Variants in CALD1 observed in about 807,000 individuals in gnomAD.
CALD1 encodes the protein caldesmon 1.
A neutral mutation model predicts 99.9 loss-of-function variants in CALD1; 33 were observed. The ratio of observed to expected loss-of-function variants is 0.33; its 90% confidence interval spans 0.25 to 0.44. CALD1 has a LOEUF of 0.44. Among genes scored for constraint, CALD1 ranks in the 20% least tolerant of loss-of-function variants. The pLI is 1.00. For missense variants in CALD1, 861 were observed against 962.1 expected (o/e 0.89, Z 1.39); for synonymous variants, 310 against 325.0 (o/e 0.95, Z 0.50).
rs1584675505 is a variant in CALD1 at position 134,958,160 on chromosome 7, T to C, written c.1979+48T>C. On this transcript the variant is annotated intron_variant, in intron 10 of 14. Coordinates refer to ENST00000361675, the MANE Select transcript of CALD1 (RefSeq NM_033138.4). The stretch of plus-strand genomic sequence containing the variant: ...TTGAGCTAATCAGCTAGCATATGTA[T>C]GAGAAGATTCTCTCTCATATTTTTA... 1.9e-6 allele frequency: 3 copies of C among 1,608,096 alleles called. No homozygotes were observed. The East Asian group carries it at 6.7e-5, about 36-fold the overall frequency.
At chr7:134,719,871 A>G in the CALD1 span, among the ~76,000 whole-genome samples, 1 of 152,170 alleles carries the variant, frequency 6.6e-6, no homozygotes, top group Non-Finnish European at 1.5e-5. Context: ...ATCAATCACC[A>G]AAGATGCCCC....
intron 1 of CALD1, among the ~76,000 whole-genome samples, chr7:134,759,723 C>T (rs764285483): frequency 6.6e-6 from 1 of 152,198 alleles, no homozygotes; most frequent in Non-Finnish European, 1.5e-5. Flanking sequence ...ATTCATCCTA[C>T]CATGTGCCAA....
chr7:134,910,321 G>T (rs949376450), intron 3 of CALD1, among the ~76,000 whole-genome samples: 1 of 152,142 alleles, frequency 6.6e-6, no homozygotes, highest in African/African-American at 2.4e-5. Flanking sequence ...GGCTATTAAT[G>T]ACTTATCCAT....
chr7:134,933,518 A>T lies in CALD1; in HGVS notation c.749A>T (p.Glu250Val). ...GAGGAGAGGGAACAAGGTTCAGATGAGATTTCCCATCATGAAAAGATGGAA... is the reference window on the plus strand; with the variant it reads ...GAGGAGAGGGAACAAGGTTCAGATGTGATTTCCCATCATGAAAAGATGGAA... ...QEEEREQGSDEISHHEKMEEE... is the reference protein window; with the variant it reads ...QEEEREQGSDVISHHEKMEEE... Residue 250 changes from glutamate (E) to valine (V), a missense_variant, in exon 5 of 15, where the codon GAG becomes GTG. Transcript: ENST00000361675. 3 of 1,614,012 alleles carry T rather than the reference A, an allele frequency of 1.9e-6. No homozygotes were observed. The highest frequency in any genetic ancestry group is 2.5e-6 in the Non-Finnish European group (3 of 1,179,970).
At chr7:134,713,630 C>G in the CALD1 span, among the ~76,000 whole-genome samples, 1 of 151,804 alleles carries the variant, frequency 6.6e-6, no homozygotes, top group Non-Finnish European at 1.5e-5. Context: ...AGGAAATTCT[C>G]CCCCCTCAAA....
chr7:134,873,175 AAAACAAAC>A (rs376713787), intron 3 of CALD1, among the ~76,000 whole-genome samples: 4 of 151,052 alleles, frequency 2.6e-5, no homozygotes, highest in East Asian at 1.9e-4. Context: ...CGACAGAGCA[AAAACAAAC>A]AAACAAACAA....
At chr7:134,941,477 T>C (rs1488761692) in intron 7 of CALD1, among the ~76,000 whole-genome samples, 1 of 152,214 alleles carries the variant, frequency 6.6e-6, no homozygotes, top group Non-Finnish European at 1.5e-5. Context: ...TCCCATTATT[T>C]TGAAAGGCAG....
intron 3 of CALD1, among the ~76,000 whole-genome samples, chr7:134,907,752 C>A (rs554898291): frequency 1.3e-5 from 2 of 151,468 alleles, no homozygotes; most frequent in Admixed American, 6.6e-5. Flanking sequence ...TTTTTCCAGT[C>A]CCCCCCCGCC....
upstream of CALD1, among the ~76,000 whole-genome samples, chr7:134,775,085 C>A (rs1488974961): frequency 6.6e-6 from 1 of 151,616 alleles, no homozygotes; most frequent in Non-Finnish European, 1.5e-5. Context: ...TTTATATAAC[C>A]TAGTTTATTA....
At chr7:134,892,018 G>A (rs1802232917) in intron 3 of CALD1, among the ~76,000 whole-genome samples, 1 of 152,104 alleles carries the variant, frequency 6.6e-6, no homozygotes, top group Non-Finnish European at 1.5e-5. Context: ...TGTTAATTTA[G>A]ACCTTAGCCC....
Position 134,928,798 on chromosome 7 carries a change from G to T in CALD1, c.116G>T (p.Arg39Leu). 6.2e-7 allele frequency: 1 copy of T among 1,613,950 alleles called. No individual in the cohort carries two copies. The highest frequency in any genetic ancestry group is 8.5e-7 in the Non-Finnish European group (1 of 1,179,938). ...GACGATGATGAAGAGGAGGCAGCCC[G>T]GGAACGGCGCCGCCGAGCCCGACAG... ...RNDDDEEEAARERRRRARQER... is the reference protein window; with the variant it reads ...RNDDDEEEAALERRRRARQER... Residue 39 changes from arginine to leucine, a missense_variant, in exon 4 of 15, where the codon CGG (arginine) becomes CTG (leucine). This residue lies in a region of CALD1 where 123 missense variants were observed against 169.8 expected (regional missense o/e 0.72). Transcript: ENST00000361675.
chr7:134,880,822 A>G (rs1490941557), intron 3 of CALD1, among the ~76,000 whole-genome samples: 2 of 152,106 alleles, frequency 1.3e-5, no homozygotes. Flanking sequence ...AGGAGAGTGT[A>G]TTTTCCCTGA....
At chr7:134,879,775 C>T (rs1801512237) in intron 3 of CALD1, among the ~76,000 whole-genome samples, 1 of 152,124 alleles carries the variant, frequency 6.6e-6, no homozygotes, top group Non-Finnish European at 1.5e-5. Flanking sequence ...ACTGGGCTTA[C>T]TTCTAGTTGA....
At chr7:134,850,219 G>GA (rs1800020167) in intron 2 of CALD1, among the ~76,000 whole-genome samples, 1 of 152,168 alleles carries the variant, frequency 6.6e-6, no homozygotes, top group African/African-American at 2.4e-5. Flanking sequence ...CTGCTGACAG[G>GA]AAACAGCTCC....
the CALD1 span, chr7:134,735,277 A>C: frequency 6.6e-6 from 1 of 152,260 alleles, no homozygotes; most frequent in African/African-American, 2.4e-5. Flanking sequence ...ATATTGATGT[A>C]GTTTTGAATA....
intron 3 of CALD1, among the ~76,000 whole-genome samples, chr7:134,922,925 A>G (rs7809057): frequency 0.47 from 71,320 of 151,982 alleles, 17,279 homozygotes; most frequent in East Asian, 0.87. Flanking sequence ...TTGCATATAT[A>G]TTTTTTTCTT....
chr7:134,721,248 G>A, the CALD1 span, among the ~76,000 whole-genome samples: 42,890 of 149,792 alleles, frequency 0.29, 7,153 homozygotes, highest in East Asian at 0.6. Flanking sequence ...CAAGAACGGC[G>A]ATTTTCAGTT....
chr7:134,751,702 C>T (rs140563954), intron 1 of CALD1, among the ~76,000 whole-genome samples: 144 of 152,200 alleles, frequency 9.5e-4, no homozygotes, highest in African/African-American at 3.3e-3. Flanking sequence ...TAGGGCTGGG[C>T]GTGGTGGCTC....
At position 134,904,133 on chromosome 7, in the gene CALD1, G is replaced by C. The variant is rs192535248; in HGVS notation, c.72-24621G>C. 3.7e-3 allele frequency among the ~76,000 whole-genome samples: 556 copies of C among 152,150 alleles called. 3 individuals carry two copies. Among genetic ancestry groups the C allele is most frequent in the Middle Eastern group, 0.02 (6 of 294 alleles). Reference sequence around the variant, plus strand: ...AGCTACTCGGGAGGCTGAGGCAAGAGAATCACTTTAACCCAGGAGGCAGAG... The same window carrying C: ...AGCTACTCGGGAGGCTGAGGCAAGACAATCACTTTAACCCAGGAGGCAGAG... On this transcript the variant is annotated intron_variant, in intron 3 of 14. Coordinates refer to ENST00000361675, the MANE Select transcript of CALD1 (RefSeq NM_033138.4).
Sources: allele counts gnomAD v4.1 joint callset (sites outside exome capture counted in the v4.1 genomes callset), GRCh38; gene constraint gnomAD v4.1.1; regional missense constraint gnomAD v4.1.1; transcripts MANE v1.5; gene names NCBI Gene and HGNC (gene_info 2026-07-23, HGNC 2026-07-21).